Variants in EML6 observed in about 807,000 individuals in gnomAD.
The protein encoded by EML6 is EMAP like 6.
A neutral mutation model predicts 240.1 loss-of-function variants in EML6; 154 were observed. The ratio of observed to expected loss-of-function variants is 0.64; its 90% CI spans 0.56 to 0.73. The LOEUF is 0.73. Among genes scored for constraint, EML6 ranks in the 30% least tolerant of loss-of-function variants. The pLI is 0.00. For synonymous variants in EML6, 1,148 were observed against 899.0 expected, an observed-to-expected ratio of 1.28 and a Z score of -4.95; for missense variants, 2,964 against 2,474.6, an observed-to-expected ratio of 1.20 and a Z score of -4.20.
chr2:54,837,690 C>G (rs918550928), intron 7 of EML6, among the ~76,000 whole-genome samples: 2 of 152,226 alleles, frequency 1.3e-5, no homozygotes, highest in Non-Finnish European at 2.9e-5. Flanking sequence ...GAATTTTCAA[C>G]AATCTGACAT....
At chr2:54,728,575 A>C (rs1683014126) in intron 2 of EML6, among the ~76,000 whole-genome samples, 1 of 152,186 alleles carries the variant, frequency 6.6e-6, no homozygotes, top group Admixed American at 6.5e-5. Flanking sequence ...GAGTGGCATC[A>C]CTTTTCAGGG....
In EML6 at chr2:54,724,751, C is replaced by A. The variant is rs354241; in HGVS notation, c.-311C>A. 48,473 of 152,418 alleles carry A rather than the reference C, an allele frequency of 0.32. 8,610 individuals carry two copies. Among genetic ancestry groups the A allele is most frequent in the Non-Finnish European group, 0.4 (27,351 of 68,296 alleles). The allele number at this position is 152,418 out of a possible 1,614,324, so 9.4% of individuals were successfully genotyped here. ...GGGTGGCCCCCCCGAGAGCCTCTCC[C>A]GGGGGCCGGAGCCCGCAGGTGCAGT... is the stretch of plus-strand genomic sequence containing the variant. On this transcript the variant is annotated 5_prime_UTR_variant, in exon 2 of 42. Coordinates refer to ENST00000356458, the MANE Select transcript of EML6 (RefSeq NM_001039753.4). This position sits in a 1 kb window ranked among gnomAD's most constrained non-coding sequence, Gnocchi z 5.2.
chr2:54,841,843 T>C (rs573438885), intron 7 of EML6, among the ~76,000 whole-genome samples: 1 of 152,276 alleles, frequency 6.6e-6, no homozygotes, highest in Admixed American at 6.5e-5. Context: ...TCTGCCTGCC[T>C]CAGCCTCCCA....
At chr2:54,969,467 C>T (rs1000885586) in intron 41 of EML6, among the ~76,000 whole-genome samples, 4 of 152,196 alleles carry the variant, frequency 2.6e-5, no homozygotes, top group African/African-American at 9.7e-5. Context: ...CATCTCCAGC[C>T]TGCTGTGCTG....
At chr2:54,780,156 C>T (rs544715694) in intron 2 of EML6, among the ~76,000 whole-genome samples, 102 of 152,174 alleles carry the variant, frequency 6.7e-4, no homozygotes, top group African/African-American at 2.4e-3. Context: ...TATTAATAAT[C>T]GTTTACAGTT....
chr2:54,961,184 G>GTTGTTGTTTTTTTTTTTTTT lies in EML6; in HGVS notation c.4968+852_4968+853insGTTGTTTTTTTTTTTTTTTT. Among the ~76,000 whole-genome samples the GTTGTTGTTTTTTTTTTTTTT allele has an allele frequency of 3.6e-5, 2 of 55,424 alleles. 1 individual carries two copies. Among genetic ancestry groups the GTTGTTGTTTTTTTTTTTTTT allele is most frequent in the South Asian group, 1.4e-3 (2 of 1,456 alleles). The allele number at this position is 55,424 out of a possible 152,430, so 36.4% of individuals were successfully genotyped here. ...GGAGCCTGGAAGTTATCAGGAAGTA[G>GTTGTTGTTTTTTTTTTTTTT]TTTTTTTTTTTTTTTTTTTGAGACG... is the stretch of plus-strand genomic sequence containing the variant. On this transcript the variant is annotated intron_variant, in intron 35 of 41. Transcript: ENST00000356458.
chr2:54,917,911 G>T (rs547285159), intron 26 of EML6, among the ~76,000 whole-genome samples: 2 of 152,280 alleles, frequency 1.3e-5, no homozygotes, highest in South Asian at 2.1e-4. Flanking sequence ...CAGTGTTCCA[G>T]TTGTAATCTG....
At chr2:54,923,367 G>GCGCACACACACACACA (rs1200496290) in intron 26 of EML6, among the ~76,000 whole-genome samples, 9 of 144,462 alleles carry the variant, frequency 6.2e-5, no homozygotes, top group South Asian at 2.3e-4. Flanking sequence ...CTCACCAAAC[G>GCGCACACACACACACA]CACACACACA....
intron 28 of EML6, among the ~76,000 whole-genome samples, chr2:54,935,426 G>A (rs1293237412): frequency 7.9e-5 from 12 of 152,182 alleles, no homozygotes; most frequent in Non-Finnish European, 1.5e-4. Flanking sequence ...ACTATCATTT[G>A]TAACTACTTT....
chr2:54,823,582 C>T (rs780912421), intron 5 of EML6, among the ~76,000 whole-genome samples: 3 of 152,064 alleles, frequency 2.0e-5, no homozygotes, highest in Non-Finnish European at 4.4e-5. Context: ...AGTTTCTGAT[C>T]AGACTAAAAT....
chr2:54,828,852 C>T (rs936143090), intron 6 of EML6, among the ~76,000 whole-genome samples: 14 of 152,224 alleles, frequency 9.2e-5, no homozygotes, highest in Admixed American at 9.2e-4. Context: ...AACACAAGTG[C>T]TATTTACATT....
At chr2:54,791,768 C>G (rs1042879972) in intron 2 of EML6, among the ~76,000 whole-genome samples, 3 of 152,120 alleles carry the variant, frequency 2.0e-5, no homozygotes, top group Non-Finnish European at 2.9e-5. Context: ...ACCGTTTGCC[C>G]TCCGCTTGTG....
chr2:54,855,332 A>G (rs1263335969), intron 11 of EML6, among the ~76,000 whole-genome samples: 1 of 152,128 alleles, frequency 6.6e-6, no homozygotes, highest in Admixed American at 6.6e-5. Flanking sequence ...GAGCTAGAGC[A>G]GGGTTCCTAC....
At chr2:54,791,473 T>C (rs1215400304) in intron 2 of EML6, among the ~76,000 whole-genome samples, 1 of 152,172 alleles carries the variant, frequency 6.6e-6, no homozygotes, top group African/African-American at 2.4e-5. Context: ...GTGATACAAG[T>C]TTATCCATCA....
intron 26 of EML6, among the ~76,000 whole-genome samples, chr2:54,923,645 A>G (rs1674384447): frequency 6.6e-6 from 1 of 152,152 alleles, no homozygotes; most frequent in Non-Finnish European, 1.5e-5. Flanking sequence ...TTTAAGTAAA[A>G]TTTATATTCA....
intron 28 of EML6, among the ~76,000 whole-genome samples, chr2:54,929,809 A>T (rs1047748144): frequency 3.9e-5 from 6 of 152,196 alleles, no homozygotes; most frequent in African/African-American, 1.4e-4. Flanking sequence ...ATCTAATGCA[A>T]AAAAGCCCTA....
chr2:54,765,536 C>G (rs546194513), intron 2 of EML6, among the ~76,000 whole-genome samples: 2 of 152,332 alleles, frequency 1.3e-5, no homozygotes, highest in Non-Finnish European at 2.9e-5. Context: ...TCTCGGCTCA[C>G]TGCAAGCTCC....
intron 7 of EML6, among the ~76,000 whole-genome samples, chr2:54,832,712 C>G (rs1466342558): frequency 6.7e-6 from 1 of 149,032 alleles, no homozygotes; most frequent in Non-Finnish European, 1.5e-5. Context: ...GCAGAGTGGA[C>G]AGAAGATGGT....
intron 8 of EML6, among the ~76,000 whole-genome samples, chr2:54,845,551 G>T (rs1179940184): frequency 6.6e-6 from 1 of 152,192 alleles, no homozygotes; most frequent in African/African-American, 2.4e-5. Context: ...AAGGCTAAAA[G>T]TCATAATTTC....
Sources: gnomAD v4.1 joint callset for allele counts (sites outside exome capture counted in the v4.1 genomes callset) on GRCh38, gnomAD v4.1.1 for gene constraint, Gnocchi (gnomAD v3.1) non-coding constraint, MANE v1.5 for transcripts, NCBI Gene and HGNC (gene_info 2026-07-23, HGNC 2026-07-21) for gene names.